Variants in PTPRD observed in about 807,000 individuals in gnomAD.
The protein encoded by PTPRD is protein tyrosine phosphatase receptor type D, also known as receptor-type tyrosine-protein phosphatase delta.
PTPRD carries 34 observed loss-of-function variants against 214.5 expected under a neutral mutation model. The ratio of observed to expected loss-of-function variants is 0.16; its 90% confidence interval spans 0.12 to 0.21. The LOEUF is 0.21. PTPRD is among the 10% of genes least tolerant of loss of function. The pLI is 1.00. For synonymous variants in PTPRD, 1,128 were observed against 845.7 expected (o/e 1.33, Z -5.79); for missense variants, 2,545 against 2,398.7 (o/e 1.06, Z -1.27).
At chr9:9,394,740 G>A (rs2141060336) in intron 9 of PTPRD, among the ~76,000 whole-genome samples, 1 of 152,172 alleles carries the variant, frequency 6.6e-6, no homozygotes, top group East Asian at 1.9e-4. Flanking sequence ...ACGGGAATAT[G>A]TAGCATATTG....
At chr9:10,598,838 G>C (rs1256183754) in intron 2 of PTPRD, among the ~76,000 whole-genome samples, 1 of 151,478 alleles carries the variant, frequency 6.6e-6, no homozygotes, top group Non-Finnish European at 1.5e-5. Context: ...GAGACTAGTA[G>C]ATGATATAAA....
chr9:8,756,123 A>G (rs2154471537), intron 11 of PTPRD, among the ~76,000 whole-genome samples: 1 of 152,302 alleles, frequency 6.6e-6, no homozygotes, highest in African/African-American at 2.4e-5. Flanking sequence ...GAATCAGTGT[A>G]GTGCAAACAA....
At chr9:8,501,787 T>C (rs753756311) in intron 23 of PTPRD, among the ~76,000 whole-genome samples, 5 of 152,196 alleles carry the variant, frequency 3.3e-5, no homozygotes, top group Admixed American at 6.5e-5. Flanking sequence ...GTCAGGATTG[T>C]TGATTCTGAC....
intron 3 of PTPRD, among the ~76,000 whole-genome samples, chr9:10,248,533 A>AAAAAAAAAAAAAAAAAAAAC (rs60272481): frequency 4.7e-5 from 6 of 127,424 alleles, no homozygotes; most frequent in East Asian, 2.3e-4. Flanking sequence ...AAAATAAAAA[A>AAAAAAAAAAAAAAAAAAAAC]AATAAAGCGA....
chr9:10,351,690 G>T (rs1216325347), intron 2 of PTPRD, among the ~76,000 whole-genome samples: 1 of 150,154 alleles, frequency 6.7e-6, no homozygotes, highest in Admixed American at 6.6e-5. Context: ...TGACAGAGAG[G>T]GTTCCTAAAA....
chr9:8,720,219 T>A (rs2098477688), intron 12 of PTPRD, among the ~76,000 whole-genome samples: 1 of 152,176 alleles, frequency 6.6e-6, no homozygotes, highest in South Asian at 2.1e-4. Context: ...CTGGGACAGC[T>A]GCAACAGGTG....
At chr9:10,390,628 C>T (rs530346085) in intron 2 of PTPRD, among the ~76,000 whole-genome samples, 2 of 151,680 alleles carry the variant, frequency 1.3e-5, no homozygotes, top group Non-Finnish European at 2.9e-5. Flanking sequence ...ATCATTTTCA[C>T]TTTTTGGCCA....
chr9:10,520,062 T>C (rs1391920561), intron 2 of PTPRD, among the ~76,000 whole-genome samples: 1 of 152,116 alleles, frequency 6.6e-6, no homozygotes, highest in Non-Finnish European at 1.5e-5. Context: ...AAGAGTCCCA[T>C]ATCCCTCCAT....
intron 3 of PTPRD, among the ~76,000 whole-genome samples, chr9:10,093,167 T>A (rs1310775291): frequency 1.3e-5 from 2 of 151,368 alleles, no homozygotes; most frequent in South Asian, 4.1e-4. Context: ...ACAGAAAACC[T>A]ACAAAATGAG....
chr9:9,279,247 A>ACATATATCACATATATCT (rs2133432504), intron 9 of PTPRD, among the ~76,000 whole-genome samples: 1 of 149,862 alleles, frequency 6.7e-6, no homozygotes, highest in East Asian at 2.0e-4. Context: ...TCTATATAAG[A>ACATATATCACATATATCT]ATATGTGAAT....
At chr9:10,266,614 G>A (rs571366375) in intron 3 of PTPRD, among the ~76,000 whole-genome samples, 1 of 152,144 alleles carries the variant, frequency 6.6e-6, no homozygotes, top group Admixed American at 6.5e-5. Context: ...TGTGCGGCAT[G>A]GGGTATGGAA....
At chr9:8,523,469 T>G (rs1214532051) in intron 19 of PTPRD, 44 bp downstream of exon 19, 1 of 1,600,190 alleles carries the variant, frequency 6.2e-7, no homozygotes, top group Admixed American at 1.7e-5. Context: ...ATTGGTTTAA[T>G]TAATAGTTTT....
intron 11 of PTPRD, among the ~76,000 whole-genome samples, chr9:8,800,502 C>G (rs1202127547): frequency 6.6e-6 from 1 of 152,110 alleles, no homozygotes; most frequent in African/African-American, 2.4e-5. Flanking sequence ...CCAAGATGGC[C>G]ACAAGAGTGA....
At chr9:8,549,584 G>A (rs1216345064) in intron 14 of PTPRD, among the ~76,000 whole-genome samples, 2 of 152,106 alleles carry the variant, frequency 1.3e-5, no homozygotes, top group African/African-American at 4.8e-5. Context: ...ATTTTGCATT[G>A]TAGATTTTAA....
chr9:8,349,411 G>C (rs1432495179), intron 39 of PTPRD, among the ~76,000 whole-genome samples: 1 of 152,062 alleles, frequency 6.6e-6, no homozygotes, highest in African/African-American at 2.4e-5. Flanking sequence ...ATCAGTATCT[G>C]AGTGCAGTGC....
chr9:8,395,764 T>G (rs969268506), intron 36 of PTPRD, among the ~76,000 whole-genome samples: 7 of 152,022 alleles, frequency 4.6e-5, no homozygotes, highest in African/African-American at 1.7e-4. Flanking sequence ...TGTCTTCCTC[T>G]ACTTGATTTT....
chr9:8,962,117 T>G (rs1292860947), intron 11 of PTPRD: 1 of 152,136 alleles, frequency 6.6e-6, no homozygotes, highest in Non-Finnish European at 1.5e-5. Context: ...AACAAACTTT[T>G]ATTTAGCTCT....
intron 9 of PTPRD, among the ~76,000 whole-genome samples, chr9:9,229,300 C>G (rs2099961581): frequency 6.6e-6 from 1 of 152,002 alleles, no homozygotes; most frequent in Admixed American, 6.6e-5. Flanking sequence ...AAACAAGAGT[C>G]TTTAGTTAAG....
At chr9:9,870,657 T>C (rs1006196128) in intron 5 of PTPRD, among the ~76,000 whole-genome samples, 2 of 152,110 alleles carry the variant, frequency 1.3e-5, no homozygotes, top group Admixed American at 1.3e-4. Flanking sequence ...AATGCTATTT[T>C]GGTCATGTAT....
Sources: allele counts gnomAD v4.1 joint callset (sites outside exome capture counted in the v4.1 genomes callset), GRCh38; gene constraint gnomAD v4.1.1; transcripts MANE v1.5; gene names NCBI Gene and HGNC (gene_info 2026-07-23, HGNC 2026-07-21).